The following EFR3B variants were observed in gnomAD, a reference collection of about 807,000 sequenced individuals.
EFR3B encodes the protein EFR3 homolog B, also known as protein EFR3 homolog B.
A neutral mutation model predicts 104.7 loss-of-function variants in EFR3B; 64 were observed. The observed-to-expected ratio is 0.61, with a 90% CI of 0.50 to 0.75. EFR3B has a LOEUF of 0.75. EFR3B is among the 30% of genes least tolerant of loss of function. The probability of loss-of-function intolerance (pLI) is 0.00; values close to 1 mark genes in which losing one functional copy is unlikely to be tolerated. For synonymous variants in EFR3B, 385 were observed against 417.9 expected, an observed-to-expected ratio of 0.92 and a Z score of 0.96; for missense variants, 750 against 1,078.5, an observed-to-expected ratio of 0.70 and a Z score of 4.27.
In EFR3B at chr2:25,121,920, G is replaced by C. The variant is rs1410011866; in HGVS notation, c.485+126G>C. On this transcript the variant is annotated intron_variant, in intron 5 of 22. Coordinates refer to ENST00000403714, the MANE Select transcript of EFR3B (RefSeq NM_014971.2). The stretch of plus-strand genomic sequence containing the variant: ...TAGTATCTGTGTCTGCTCTGATGTT[G>C]CCGGGCAGGTGGGCCAGCACCCAGC... The C allele has an allele frequency of 5.9e-6, 8 of 1,350,912 alleles. No homozygotes were observed. The East Asian group carries it at 1.8e-4, about 30-fold the overall frequency. 83.7% of individuals were successfully genotyped at this position (1,350,912 alleles called of 1,614,324 possible).
At chr2:25,053,949 T>C (rs768878084) in intron 1 of EFR3B, among the ~76,000 whole-genome samples, 9 of 152,088 alleles carry the variant, frequency 5.9e-5, no homozygotes, top group Non-Finnish European at 8.8e-5. Context: ...AAAAATTCCT[T>C]CCCTACATCT....
chr2:25,089,331 C>A (rs567537820), intron 1 of EFR3B, among the ~76,000 whole-genome samples: 2 of 152,186 alleles, frequency 1.3e-5, no homozygotes, highest in African/African-American at 4.8e-5. Context: ...AGCCTGGGTT[C>A]TAGCAGCTGT....
chr2:25,137,541 A>G lies in EFR3B; in HGVS notation c.1722+39A>G, dbSNP rs1276780245. 1 of 1,550,916 alleles carries G rather than the reference A, an allele frequency of 6.4e-7. No individual in the cohort carries two copies. The highest frequency in any genetic ancestry group is 1.4e-5 in the African/African-American group (1 of 73,148). On this transcript the variant is annotated intron_variant, in intron 15 of 22. Transcript: ENST00000403714. This position sits in a 1 kb window ranked among gnomAD's most constrained non-coding sequence, Gnocchi z 4.7. The stretch of plus-strand genomic sequence containing the variant: ...TGCGCAGGGCATGGGGCTTGGGATC[A>G]GGGGAGGGACTTGTTTTGGGCAAGC...
chr2:25,135,933 G>A (rs919067285), intron 13 of EFR3B, among the ~76,000 whole-genome samples: 1 of 152,178 alleles, frequency 6.6e-6, no homozygotes, highest in African/African-American at 2.4e-5. Flanking sequence ...GGAGTTGCAA[G>A]TGTGAGAAGG....
Position 25,129,980 on chromosome 2 carries a change from C to T in EFR3B, c.641C>T (p.Ser214Phe). Residue 214 changes from serine to phenylalanine, a missense_variant, in exon 7 of 23, where the codon TCT becomes TTT. By Grantham distance (155) the Ser-to-Phe change is radical (BLOSUM62 -2). Transcript: ENST00000403714. Reference protein sequence around the residue: ...LQHVEEAESRSPSPLQAPEKE... With the variant: ...LQHVEEAESRFPSPLQAPEKE... ...ATGTGCCTCTGTCTCCCCAGCCGGT[C>T]TCCCTCACCCCTCCAAGCACCTGAG... is the stretch of plus-strand genomic sequence containing the variant. 3 of 1,551,578 alleles carry T rather than the reference C, an allele frequency of 1.9e-6. No homozygotes were observed. The highest frequency in any genetic ancestry group is 2.6e-6 in the Non-Finnish European group (3 of 1,147,000).
chr2:25,139,961 T>G (rs1048196846), intron 16 of EFR3B, among the ~76,000 whole-genome samples: 5 of 152,238 alleles, frequency 3.3e-5, no homozygotes, highest in Admixed American at 3.3e-4. Flanking sequence ...AAAGATCTTT[T>G]AAAACACATG....
chr2:25,135,726 C>G (rs1399941990), intron 13 of EFR3B, 87 bp downstream of exon 13: 1 of 1,425,374 alleles, frequency 7.0e-7, no homozygotes, highest in Non-Finnish European at 9.5e-7. Flanking sequence ...TCCTCACACC[C>G]AGGTTCCCAC....
At chr2:25,082,997 C>T (rs894820226) in intron 1 of EFR3B, among the ~76,000 whole-genome samples, 1 of 152,088 alleles carries the variant, frequency 6.6e-6, no homozygotes, top group African/African-American at 2.4e-5. Context: ...AATGAGCCAT[C>T]GAGGGAGGTC....
At chr2:25,142,445 T>C (rs1428748573) in intron 17 of EFR3B, among the ~76,000 whole-genome samples, 1 of 137,510 alleles carries the variant, frequency 7.3e-6, no homozygotes, top group Non-Finnish European at 1.5e-5. Context: ...CAAGACTCTG[T>C]CTAAAAAAAA....
intron 5 of EFR3B, among the ~76,000 whole-genome samples, chr2:25,125,054 T>A (rs2149202348): frequency 6.6e-6 from 1 of 152,264 alleles, no homozygotes; most frequent in South Asian, 2.1e-4. Context: ...TGAGACTCCG[T>A]GTCGAAAAAT....
chr2:25,113,529 G>A (rs376326561), intron 4 of EFR3B, among the ~76,000 whole-genome samples: 31 of 151,980 alleles, frequency 2.0e-4, no homozygotes, highest in Non-Finnish European at 3.7e-4. Flanking sequence ...TTAGCTGGGC[G>A]TGGTGGCGGG....
In EFR3B at chr2:25,042,107, C is replaced by A. The variant is rs912081787; in HGVS notation, c.-206C>A. The A allele has an allele frequency of 1.4e-5, 5 of 345,210 alleles. No homozygotes were observed. Among genetic ancestry groups the A allele is most frequent in the Admixed American group, 1.0e-4 (2 of 20,064 alleles). The allele number at this position is 345,210 out of a possible 1,614,324, so 21.4% of individuals were successfully genotyped here. The stretch of plus-strand genomic sequence containing the variant: ...GCCCAGCAACCCGAGCGGAGGCGGC[C>A]GCTGCAGCCCGGCGCTGAATGGGCT... On this transcript the variant is annotated 5_prime_UTR_variant, in exon 1 of 23. Transcript: ENST00000403714. This position sits in a 1 kb window ranked among gnomAD's most constrained non-coding sequence, Gnocchi z 5.4.
chr2:25,046,237 T>C (rs535407303), intron 1 of EFR3B, among the ~76,000 whole-genome samples: 4 of 151,694 alleles, frequency 2.6e-5, no homozygotes, highest in South Asian at 4.2e-4. Context: ...AACACAAAAT[T>C]AGCCAGGCAT....
rs2149208508 is a variant in EFR3B at position 25,137,665 on chromosome 2, T to TGG, written c.1722+164_1722+165dup. ...ACGCCTCCCTGAAGACCCCAAACCA[T>TGG]GGTCCTGTTTGGGGAACCCCAAAGA... On this transcript the variant is annotated intron_variant, in intron 15 of 22. Coordinates refer to ENST00000403714, the MANE Select transcript of EFR3B (RefSeq NM_014971.2). The surrounding 1 kb of genome is among the most constrained non-coding windows in gnomAD (Gnocchi z 4.7). 6.6e-6 allele frequency among the ~76,000 whole-genome samples: 1 copy of TGG among 152,334 alleles called. No homozygotes were observed. Among genetic ancestry groups the TGG allele is most frequent in the African/African-American group, 2.4e-5 (1 of 41,582 alleles).
Position 25,137,496 on chromosome 2 carries a change from T to C in EFR3B, c.1716T>C (p.Ala572=), listed in dbSNP as rs148003430. ...VVVDLIRLVL[A]VQDVAQVNEE... ...TGGACCTCATCCGTCTGGTGCTGGC[T>C]GTTCAGGTGGGGCCTGGTGTGCGCA... Residue 572 remains alanine (A), a synonymous_variant, in exon 15 of 23, where the codon GCT becomes GCC. Coordinates refer to ENST00000403714, the MANE Select transcript of EFR3B (RefSeq NM_014971.2). The surrounding 1 kb of genome is among the most constrained non-coding windows in gnomAD (Gnocchi z 4.7). 5.8e-4 allele frequency: 907 copies of C among 1,551,714 alleles called. No individual in the cohort carries two copies. The highest frequency in any genetic ancestry group is 6.4e-4 in the Non-Finnish European group (731 of 1,146,974).
rs1558625034 is a variant in EFR3B at position 25,156,425 on chromosome 2, G to A, written c.*2085G>A. ...TGATTCTCCTGCCTCAGCCTCCTGA[G>A]TAGCTGGGATTACAGGCGTGCACCA... On this transcript the variant is annotated 3_prime_UTR_variant, in exon 23 of 23. Coordinates refer to ENST00000403714, the MANE Select transcript of EFR3B (RefSeq NM_014971.2). The A allele has an allele frequency of 6.6e-6, 1 of 150,616 alleles. No individual in the cohort carries two copies. The highest frequency in any genetic ancestry group is 1.5e-5 in the Non-Finnish European group (1 of 67,928). The allele number at this position is 150,616 out of a possible 1,614,324, so 9.3% of individuals were successfully genotyped here. A position where few individuals can be genotyped will look rare whatever the true frequency, so the allele number is the denominator to read the frequency against.
intron 4 of EFR3B, among the ~76,000 whole-genome samples, chr2:25,117,206 G>A (rs898834312): frequency 6.6e-6 from 1 of 152,136 alleles, no homozygotes. Flanking sequence ...CCCTGCCTGC[G>A]GCTCCCAGGC....
At chr2:25,143,634 T>C in intron 17 of EFR3B, 101 bp from the exon 18 acceptor site, 2 of 1,426,672 alleles carry the variant, frequency 1.4e-6, no homozygotes, top group Non-Finnish European at 1.9e-6. Flanking sequence ...CACTCCAGCC[T>C]GGGCGACAAG....
At chr2:25,069,437 C>T (rs533115232) in intron 1 of EFR3B, among the ~76,000 whole-genome samples, 19 of 152,296 alleles carry the variant, frequency 1.2e-4, no homozygotes, top group African/African-American at 4.6e-4. Context: ...GAGGCTTAGT[C>T]TGTGACGGTT....
Sources: allele counts gnomAD v4.1 joint callset (sites outside exome capture counted in the v4.1 genomes callset), GRCh38; gene constraint gnomAD v4.1.1; non-coding constraint Gnocchi (gnomAD v3.1); transcripts MANE v1.5; gene names NCBI Gene and HGNC (gene_info 2026-07-23, HGNC 2026-07-21).